The following RBL1 variants were observed in gnomAD, a reference collection of about 807,000 sequenced individuals.
RBL1 encodes RB transcriptional corepressor like 1.
A neutral mutation model predicts 123.0 loss-of-function variants in RBL1; 82 were observed. The ratio of observed to expected loss-of-function variants is 0.67; its 90% CI spans 0.56 to 0.80. The LOEUF is 0.80. RBL1 is among the 30% of genes least tolerant of loss of function. RBL1 has a pLI of 0.00. For missense variants in RBL1, 1,171 were observed against 1,299.6 expected (o/e 0.90, Z 1.52); for synonymous variants, 405 against 441.3 (o/e 0.92, Z 1.03).
rs1460405316 is a variant in RBL1 at position 37,042,895 on chromosome 20, TC to T, written c.1770+1190del. Among the ~76,000 whole-genome samples the T allele has an allele frequency of 2.0e-4, 9 of 46,068 alleles. 1 individual carries two copies. The highest frequency in any genetic ancestry group is 1.5e-3 in the South Asian group (2 of 1,298). The allele number at this position is 46,068 out of a possible 152,430, so 30.2% of individuals were successfully genotyped here. On this transcript the variant is annotated intron_variant, in intron 13 of 21. Coordinates refer to ENST00000373664, the MANE Select transcript of RBL1 (RefSeq NM_002895.5). The stretch of plus-strand genomic sequence containing the variant: ...GCCTGGGTGACAGAGTGAGATCTTG[TC>T]CCCCCCCCTCCAAAAAAAAAAAAAA...
intron 11 of RBL1, among the ~76,000 whole-genome samples, chr20:37,054,119 A>G (rs2146282760): frequency 6.6e-6 from 1 of 152,228 alleles, no homozygotes; most frequent in Non-Finnish European, 1.5e-5. Flanking sequence ...ACCATTAGGG[A>G]AACTGGATAA....
chr20:37,074,636 C>T (rs1253857364), intron 2 of RBL1, among the ~76,000 whole-genome samples: 1 of 152,024 alleles, frequency 6.6e-6, no homozygotes, highest in Non-Finnish European at 1.5e-5. Context: ...GTACAGTCAC[C>T]TTGGAAAAAA....
At chr20:37,000,302 C>A (rs2063947876) in intron 21 of RBL1, among the ~76,000 whole-genome samples, 1 of 150,478 alleles carries the variant, frequency 6.6e-6, no homozygotes, top group African/African-American at 2.5e-5. Context: ...CTGGCAGCCA[C>A]CCCGTCTGGG....
At chr20:37,037,920 C>T (rs1204602576) in intron 14 of RBL1, among the ~76,000 whole-genome samples, 5 of 150,958 alleles carry the variant, frequency 3.3e-5, no homozygotes, top group African/African-American at 7.3e-5. Context: ...CTCCTGACCT[C>T]GTGATCTGCC....
intron 11 of RBL1, chr20:37,049,228 A>T: frequency 2.3e-6 from 1 of 441,220 alleles, no homozygotes; most frequent in East Asian, 4.0e-5. Context: ...AAAACAAAAA[A>T]AAATTTAAAG....
intron 1 of RBL1, among the ~76,000 whole-genome samples, chr20:37,092,177 T>G (rs2065658295): frequency 6.6e-6 from 1 of 151,810 alleles, no homozygotes. Flanking sequence ...CCTTTTTTTG[T>G]CTCAAAAAAG....
chr20:37,024,891 A>G (rs992510781), intron 16 of RBL1, among the ~76,000 whole-genome samples: 6 of 152,346 alleles, frequency 3.9e-5, no homozygotes, highest in African/African-American at 1.4e-4. Context: ...AGAGGAGAGA[A>G]GCCAGTAAAG....
Position 37,022,814 on chromosome 20 carries a change from C to G in RBL1, c.2395G>C (p.Ala799Pro), listed in dbSNP as rs763917004. 1 of 1,607,194 alleles carries G rather than the reference C, an allele frequency of 6.2e-7. No individual in the cohort carries two copies. The highest frequency in any genetic ancestry group is 8.5e-7 in the Non-Finnish European group (1 of 1,176,568). The change falls in exon 17 of 22, where the codon GCA becomes CCA. Residue 799 changes from alanine (A) to proline (P), a missense_variant. By Grantham distance (27) the Ala-to-Pro change is conservative. Transcript: ENST00000373664. ...ALFYRKVYHLASVRLRDLCLK... is the reference protein window; with the variant it reads ...ALFYRKVYHLPSVRLRDLCLK... ...CATAGATCACGTAAGCGTACACTTG[C>G]CAAATGATAGACCTAAAATAGAAGG...
chr20:37,004,525 C>A (rs2064038412), intron 20 of RBL1, among the ~76,000 whole-genome samples: 1 of 150,300 alleles, frequency 6.7e-6, no homozygotes, highest in Non-Finnish European at 1.5e-5. Flanking sequence ...CCAGCCTGGC[C>A]AACATGGTGA....
chr20:37,094,972 A>G (rs972743955), intron 1 of RBL1, among the ~76,000 whole-genome samples: 4 of 152,216 alleles, frequency 2.6e-5, no homozygotes, highest in African/African-American at 9.6e-5. Flanking sequence ...TAGGCAAGAC[A>G]ACCTTCTGAG....
At chr20:37,043,525 C>T (rs1377626329) in intron 13 of RBL1, among the ~76,000 whole-genome samples, 1 of 151,494 alleles carries the variant, frequency 6.6e-6, no homozygotes, top group Non-Finnish European at 1.5e-5. Flanking sequence ...AAAAATTAGC[C>T]GGGTGTGGGT....
rs2063905710 is a variant in RBL1 at position 36,997,968 on chromosome 20, A to G, written c.*791T>C. On this transcript the variant is annotated 3_prime_UTR_variant, in exon 22 of 22. Transcript: ENST00000373664. Reference sequence around the variant, plus strand: ...GAATGGCGGTGGTACCTGGATGTGGAATTACCACAGTGGGCCAGAGACAGG... The same window carrying G: ...GAATGGCGGTGGTACCTGGATGTGGGATTACCACAGTGGGCCAGAGACAGG... The G allele has an allele frequency of 6.6e-6, 1 of 152,034 alleles. No individual in the cohort carries two copies. The highest frequency in any genetic ancestry group is 1.5e-5 in the Non-Finnish European group (1 of 68,026). 9.4% of individuals were successfully genotyped at this position (152,034 alleles called of 1,614,324 possible).
intron 21 of RBL1, among the ~76,000 whole-genome samples, chr20:37,000,108 C>T (rs541578884): frequency 1.3e-3 from 203 of 150,390 alleles, no homozygotes; most frequent in African/African-American, 4.7e-3. Flanking sequence ...CCTGCTGCCC[C>T]GTCTGGGATG....
intron 18 of RBL1, 36 bp from the exon 19 acceptor site, chr20:37,018,405 C>A: frequency 6.4e-7 from 1 of 1,571,664 alleles, no homozygotes; most frequent in Non-Finnish European, 8.6e-7. Context: ...ACAGCTCAGT[C>A]ACAGAGGTAC....
At chr20:37,051,983 A>G (rs2064922255) in intron 11 of RBL1, among the ~76,000 whole-genome samples, 1 of 152,064 alleles carries the variant, frequency 6.6e-6, no homozygotes, top group South Asian at 2.1e-4. Context: ...AGGTAGATGC[A>G]AAGAAAATTA....
rs2065728963 is a variant in RBL1 at position 37,095,817 on chromosome 20, C to A, written c.112G>T (p.Ala38Ser). 1 of 1,609,696 alleles carries A rather than the reference C, an allele frequency of 6.2e-7. No homozygotes were observed. Among genetic ancestry groups the A allele is most frequent in the Non-Finnish European group, 8.5e-7 (1 of 1,178,750 alleles). The change falls in exon 1 of 22, where the codon GCC becomes TCC. Residue 38 changes from alanine to serine, a missense_variant. Physicochemically the swap from Ala to Ser is moderately conservative, Grantham distance 99 (BLOSUM62 1). Coordinates refer to ENST00000373664, the MANE Select transcript of RBL1 (RefSeq NM_002895.5). The stretch of plus-strand genomic sequence containing the variant: ...CGGATGGCAGTAAAGTCGTCCAGGG[C>A]TTCGGCCGCGCTCCCCTCGTCCAGG... ...LNLDEGSAAE[A>S]LDDFTAIRGN...
chr20:37,015,623 G>C (rs2064237821), intron 19 of RBL1, among the ~76,000 whole-genome samples: 1 of 152,130 alleles, frequency 6.6e-6, no homozygotes. Flanking sequence ...GTGGAGACGA[G>C]GTTTCACCGT....
chr20:37,047,301 C>T, intron 11 of RBL1, 111 bp from the exon 12 acceptor site: 3 of 1,247,166 alleles, frequency 2.4e-6, no homozygotes, highest in South Asian at 1.6e-5. Context: ...TTATATTACA[C>T]TAGATTACTG....
intron 9 of RBL1, among the ~76,000 whole-genome samples, chr20:37,057,515 A>G (rs1600546698): frequency 6.6e-6 from 1 of 152,208 alleles, no homozygotes. Context: ...TCTTTGGAGA[A>G]ATATCTGCTG....
Sources: gnomAD v4.1 joint callset for allele counts (sites outside exome capture counted in the v4.1 genomes callset) on GRCh38, gnomAD v4.1.1 for gene constraint, MANE v1.5 for transcripts, NCBI Gene and HGNC (gene_info 2026-07-23, HGNC 2026-07-21) for gene names.